The following TAFA2 variants were observed in gnomAD, a reference collection of about 807,000 sequenced individuals.
TAFA2 encodes the protein chemokine-like protein TAFA-2.
In TAFA2, 7 loss-of-function variants were observed where a neutral mutation model predicts 18.8. The observed-to-expected ratio is 0.37, with a 90% CI of 0.21 to 0.70. The LOEUF (loss-of-function observed/expected upper bound fraction) is 0.70, where lower values mean the gene tolerates loss of function less well. Among genes scored for constraint, TAFA2 ranks in the 30% least tolerant of loss-of-function variants. The pLI, the probability that TAFA2 is intolerant of heterozygous loss-of-function variation, is 0.53. For missense variants in TAFA2, 122 were observed against 158.1 expected (o/e 0.77, Z 1.23); for synonymous variants, 60 against 54.2 (o/e 1.11, Z -0.47).
chr12:61,785,361 T>TG (rs1870692724), intron 2 of TAFA2, among the ~76,000 whole-genome samples: 114 of 83,340 alleles, frequency 1.4e-3, no homozygotes, highest in Non-Finnish European at 2.4e-3. Context: ...GTGTGTGTGT[T>TG]TGTGTGTGTG....
intron 2 of TAFA2, among the ~76,000 whole-genome samples, chr12:61,777,183 T>C (rs1870299929): frequency 6.6e-6 from 1 of 151,852 alleles, no homozygotes; most frequent in Non-Finnish European, 1.5e-5. Context: ...GGCAGCCTTC[T>C]GGGGGGAAGC....
chr12:62,049,478 A>G (rs1881993797), intron 1 of TAFA2, among the ~76,000 whole-genome samples: 1 of 152,200 alleles, frequency 6.6e-6, no homozygotes, highest in African/African-American at 2.4e-5. Flanking sequence ...AGCTGAATCC[A>G]TGAGTTTGGA....
At position 62,228,850 on chromosome 12, in the gene TAFA2, T is replaced by C. The variant is rs560480211; in HGVS notation, c.-130+29913A>G. ...GATATTAACTCTTCTAATTAATGAG[T>C]ATGGAATATCTTCTATATTTATACA... On this transcript the variant is annotated intron_variant, in intron 1 of 5. Transcript: ENST00000551619. 8.8e-4 allele frequency among the ~76,000 whole-genome samples: 134 copies of C among 152,270 alleles called. 2 individuals carry two copies. Among genetic ancestry groups the C allele is most frequent in the African/African-American group, 3.0e-3 (125 of 41,582 alleles).
At chr12:62,139,609 G>A (rs1449015885) in intron 1 of TAFA2, among the ~76,000 whole-genome samples, 4 of 152,200 alleles carry the variant, frequency 2.6e-5, no homozygotes, top group African/African-American at 9.6e-5. Flanking sequence ...ATCTGCACCA[G>A]AGAAACATTT....
intron 1 of TAFA2, among the ~76,000 whole-genome samples, chr12:61,978,070 C>CAATGAATATT (rs1879500916): frequency 6.6e-6 from 1 of 152,028 alleles, no homozygotes; most frequent in Non-Finnish European, 1.5e-5. Flanking sequence ...TTTCACTTAG[C>CAATGAATATT]AATGAATATT....
At chr12:62,205,194 TG>T in intron 1 of TAFA2, among the ~76,000 whole-genome samples, 1 of 152,348 alleles carries the variant, frequency 6.6e-6, no homozygotes, top group East Asian at 1.9e-4. Context: ...GATGGCTGCC[TG>T]CTCCTTCCTC....
intron 2 of TAFA2, among the ~76,000 whole-genome samples, chr12:61,790,300 A>C (rs1870921366): frequency 6.6e-6 from 1 of 151,946 alleles, no homozygotes. Flanking sequence ...TTTCTTTAAC[A>C]TCTGGAACGA....
At chr12:62,109,066 C>A (rs1362240357) in intron 1 of TAFA2, among the ~76,000 whole-genome samples, 1 of 152,124 alleles carries the variant, frequency 6.6e-6, no homozygotes, top group Non-Finnish European at 1.5e-5. Context: ...TGCCTATGTC[C>A]TGAATGGTAT....
At chr12:62,073,531 T>G (rs569145904) in intron 1 of TAFA2, among the ~76,000 whole-genome samples, 1 of 151,660 alleles carries the variant, frequency 6.6e-6, no homozygotes, top group East Asian at 2.0e-4. Context: ...AAAACACCTT[T>G]GAGGTAGGTG....
chr12:62,038,878 G>A (rs765027283), intron 1 of TAFA2, among the ~76,000 whole-genome samples: 12 of 152,114 alleles, frequency 7.9e-5, no homozygotes, highest in Non-Finnish European at 1.3e-4. Context: ...TGTTATACAT[G>A]ATAGTCATAA....
At chr12:62,116,518 A>AT (rs1260521946) in intron 1 of TAFA2, among the ~76,000 whole-genome samples, 4 of 150,762 alleles carry the variant, frequency 2.7e-5, no homozygotes, top group Non-Finnish European at 5.9e-5. Flanking sequence ...ACAGTGGTTA[A>AT]TTTTTTCAAA....
intron 2 of TAFA2, among the ~76,000 whole-genome samples, chr12:61,768,421 A>G (rs1287871539): frequency 6.6e-6 from 1 of 152,116 alleles, no homozygotes; most frequent in Non-Finnish European, 1.5e-5. Flanking sequence ...GCAGGGACAT[A>G]CCAGGAAAGC....
intron 1 of TAFA2, among the ~76,000 whole-genome samples, chr12:61,941,995 G>T (rs1401375445): frequency 6.6e-6 from 1 of 151,988 alleles, no homozygotes; most frequent in East Asian, 1.9e-4. Flanking sequence ...CCACCTCTGG[G>T]GGCAGGGCAC....
At chr12:61,714,493 A>C (rs7973844) in intron 4 of TAFA2, among the ~76,000 whole-genome samples, 64,172 of 151,980 alleles carry the variant, frequency 0.42, 13,640 homozygotes, top group Non-Finnish European at 0.44. Flanking sequence ...CAAGGCACCC[A>C]CTTATCACAG....
At chr12:62,225,857 A>G (rs1052870698) in intron 1 of TAFA2, among the ~76,000 whole-genome samples, 1 of 152,230 alleles carries the variant, frequency 6.6e-6, no homozygotes, top group African/African-American at 2.4e-5. Flanking sequence ...AGGCAGTTTT[A>G]TACATTGCTG....
At chr12:62,133,960 T>C (rs968578478) in intron 1 of TAFA2, among the ~76,000 whole-genome samples, 3 of 152,008 alleles carry the variant, frequency 2.0e-5, no homozygotes, top group African/African-American at 7.2e-5. Flanking sequence ...TCTAACTTCA[T>C]CTCACGATAC....
chr12:62,203,483 T>A (rs764206465), intron 1 of TAFA2, among the ~76,000 whole-genome samples: 73 of 152,234 alleles, frequency 4.8e-4, no homozygotes, highest in African/African-American at 1.3e-3. Context: ...AGTCTCTATG[T>A]AGGTCTCTAA....
chr12:61,891,868 T>C (rs1240576520), intron 1 of TAFA2, among the ~76,000 whole-genome samples: 3 of 152,080 alleles, frequency 2.0e-5, no homozygotes, highest in Non-Finnish European at 2.9e-5. Context: ...AACTGGGATT[T>C]ATTCAAAGTG....
intron 1 of TAFA2, chr12:62,255,300 T>A (rs1306102065): frequency 1.3e-5 from 2 of 152,210 alleles, no homozygotes; most frequent in Non-Finnish European, 2.9e-5. Context: ...AGAGGTTCTT[T>A]ATCAACCTTG....
Sources: allele counts gnomAD v4.1 joint callset (sites outside exome capture counted in the v4.1 genomes callset), GRCh38; gene constraint gnomAD v4.1.1; transcripts MANE v1.5; gene names NCBI Gene and HGNC (gene_info 2026-07-23, HGNC 2026-07-21).